The following TEX9 variants were observed in gnomAD, a reference collection of about 807,000 sequenced individuals.
TEX9 encodes the protein testis-expressed protein 9.
In TEX9, 74 loss-of-function variants were observed where a neutral mutation model predicts 59.6. That is an observed-to-expected ratio of 1.24 (90% CI 1.03 to 1.51). The LOEUF (loss-of-function observed/expected upper bound fraction) is 1.51, where lower values mean the gene tolerates loss of function less well. Ranked by LOEUF, TEX9 falls within the 40% of genes most tolerant of loss-of-function variation. The pLI is 0.00. For missense variants in TEX9, 522 were observed against 447.8 expected (o/e 1.17, Z -1.49); for synonymous variants, 186 against 152.2 (o/e 1.22, Z -1.64).
Position 56,386,440 on chromosome 15 carries a change from C to A in TEX9, c.264-2032C>A, listed in dbSNP as rs538868724. On this transcript the variant is annotated intron_variant, in intron 4 of 12. Transcript: ENST00000352903. ...TGTGATGTATCAATTATATCTCAAA[C>A]CTGAAAAAAATAATTTTTGAACACT... Among the ~76,000 whole-genome samples, 5 of 151,808 alleles carry A rather than the reference C, an allele frequency of 3.3e-5. No individual in the cohort carries two copies. In the South Asian group the frequency reaches 1.0e-3, roughly 32 times the overall value.
chr15:56,459,547 G>T, the TEX9 span, among the ~76,000 whole-genome samples: 1 of 152,120 alleles, frequency 6.6e-6, no homozygotes, highest in Non-Finnish European at 1.5e-5. Context: ...GTTGTTTTAA[G>T]CAGCTAAGTT....
intron 12 of TEX9, chr15:56,429,943 AT>A (rs1283090674): frequency 1.3e-5 from 2 of 152,196 alleles, no homozygotes; most frequent in Non-Finnish European, 2.9e-5. Flanking sequence ...AATTTAGTTT[AT>A]GAAATGTATT....
intron 4 of TEX9, among the ~76,000 whole-genome samples, chr15:56,386,394 A>G (rs1466714403): frequency 2.0e-5 from 3 of 151,934 alleles, no homozygotes; most frequent in Non-Finnish European, 4.4e-5. Context: ...ATTGACCTGT[A>G]TATGTAAAAA....
intron 1 of TEX9, among the ~76,000 whole-genome samples, chr15:56,290,847 C>G (rs1199667985): frequency 1.3e-5 from 2 of 151,712 alleles, no homozygotes; most frequent in African/African-American, 4.9e-5. Flanking sequence ...CTCTTGAGCC[C>G]TCTCTGGGCT....
At chr15:56,339,642 A>T (rs2046336034) in intron 1 of TEX9, among the ~76,000 whole-genome samples, 1 of 152,032 alleles carries the variant, frequency 6.6e-6, no homozygotes, top group Non-Finnish European at 1.5e-5. Context: ...TAAGTTCGAG[A>T]CATTATGCAC....
intron 10 of TEX9, among the ~76,000 whole-genome samples, chr15:56,422,254 AAAAATAAT>A (rs2050014828): frequency 6.6e-6 from 1 of 151,740 alleles, no homozygotes; most frequent in Admixed American, 6.6e-5. Flanking sequence ...GTATAATTAA[AAAAATAAT>A]AAAATAAAAA....
chr15:56,441,228 A>T (rs2050809353), intron 12 of TEX9, among the ~76,000 whole-genome samples: 1 of 151,984 alleles, frequency 6.6e-6, no homozygotes, highest in Admixed American at 6.6e-5. Flanking sequence ...TTTTAATTTA[A>T]TTCCACTGTA....
At chr15:56,404,178 A>G (rs560721576) in intron 9 of TEX9, among the ~76,000 whole-genome samples, 1 of 152,188 alleles carries the variant, frequency 6.6e-6, no homozygotes, top group Non-Finnish European at 1.5e-5. Context: ...AAAAGAAACT[A>G]CCATCAGAGT....
At chr15:56,437,008 G>T (rs577911074) in intron 12 of TEX9, among the ~76,000 whole-genome samples, 1 of 152,034 alleles carries the variant, frequency 6.6e-6, no homozygotes, top group Non-Finnish European at 1.5e-5. Context: ...ATTCACAGCC[G>T]AATTCTACCA....
intron 1 of TEX9, among the ~76,000 whole-genome samples, chr15:56,275,282 C>G (rs2044642167): frequency 6.6e-6 from 1 of 152,310 alleles, no homozygotes; most frequent in Admixed American, 6.5e-5. Context: ...CATACCCCAG[C>G]TGGTTAGGTC....
intron 1 of TEX9, among the ~76,000 whole-genome samples, chr15:56,332,571 T>G (rs533175607): frequency 5.9e-4 from 89 of 151,136 alleles, no homozygotes; most frequent in African/African-American, 2.2e-3. Context: ...TATACATATG[T>G]AACTAACCTC....
chr15:56,346,001 G>A (rs2046463339), intron 1 of TEX9, among the ~76,000 whole-genome samples: 1 of 152,184 alleles, frequency 6.6e-6, no homozygotes, highest in Non-Finnish European at 1.5e-5. Context: ...GCTGAGTGGA[G>A]TGCCTATCAT....
chr15:56,292,628 A>G (rs1222680014), intron 1 of TEX9, among the ~76,000 whole-genome samples: 1 of 152,154 alleles, frequency 6.6e-6, no homozygotes, highest in Admixed American at 6.5e-5. Flanking sequence ...AGATGTCCCT[A>G]TCTCTGAGCT....
intron 10 of TEX9, among the ~76,000 whole-genome samples, chr15:56,416,742 G>A (rs2049705570): frequency 6.6e-6 from 1 of 151,782 alleles, no homozygotes; most frequent in Non-Finnish European, 1.5e-5. Flanking sequence ...TTGGGGAGGA[G>A]TCCCTCCTCA....
At chr15:56,383,232 G>T (rs1315593252) in intron 3 of TEX9, among the ~76,000 whole-genome samples, 1 of 152,192 alleles carries the variant, frequency 6.6e-6, no homozygotes, top group Non-Finnish European at 1.5e-5. Context: ...TCCCCTAAGT[G>T]CACAGACTCT....
In TEX9 at chr15:56,276,735, T is replaced by C. The variant is rs529866352; in HGVS notation, c.-107+32457T>C. Among the ~76,000 whole-genome samples the C allele has an allele frequency of 4.6e-5, 7 of 152,312 alleles. No individual in the cohort carries two copies. In the East Asian group the frequency reaches 1.3e-3, roughly 29 times the overall value. Reference sequence around the variant, plus strand: ...GTCAAATGGTATTTCTGGTTCTAGATCCTTGAGGAATCACCACACTGTCTT... The same window carrying C: ...GTCAAATGGTATTTCTGGTTCTAGACCCTTGAGGAATCACCACACTGTCTT... On this transcript the variant is annotated intron_variant, in intron 1 of 5. Transcript: ENST00000560827.
chr15:56,370,355 C>T (rs1185577273), intron 2 of TEX9, among the ~76,000 whole-genome samples: 1 of 152,150 alleles, frequency 6.6e-6, no homozygotes, highest in African/African-American at 2.4e-5. Flanking sequence ...TTAGATTTAT[C>T]ATGTTTTCAG....
At chr15:56,448,935 A>G (rs375868815), downstream of TEX9, among the ~76,000 whole-genome samples, 3 of 151,776 alleles carry the variant, frequency 2.0e-5, 1 homozygote, top group Admixed American at 6.6e-5. Context: ...TTGTATTTTG[A>G]GTACAGATGG....
intron 1 of TEX9, among the ~76,000 whole-genome samples, chr15:56,310,184 C>A (rs2045577390): frequency 6.6e-6 from 1 of 152,170 alleles, no homozygotes; most frequent in African/African-American, 2.4e-5. Flanking sequence ...GTAATCCCGA[C>A]ACTTTGGGAG....
Sources: allele counts gnomAD v4.1 joint callset (sites outside exome capture counted in the v4.1 genomes callset), GRCh38; gene constraint gnomAD v4.1.1; transcripts MANE v1.5; gene names NCBI Gene and HGNC (gene_info 2026-07-23, HGNC 2026-07-21).